The following UNC93A variants were observed in gnomAD, a reference collection of about 807,000 sequenced individuals.
UNC93A encodes the protein N-acetylglucosamine transporter UNC93A.
In UNC93A, 43 loss-of-function variants were observed where a neutral mutation model predicts 47.5. The ratio of observed to expected loss-of-function variants is 0.91; its 90% CI spans 0.71 to 1.17. The LOEUF (loss-of-function observed/expected upper bound fraction) is 1.17. UNC93A is among the 50% of genes most tolerant of loss of function. The probability of loss-of-function intolerance (pLI) is 0.00; values close to 1 mark genes in which losing one functional copy is unlikely to be tolerated. For missense variants in UNC93A, 605 were observed against 577.6 expected (o/e 1.05, Z -0.49); for synonymous variants, 280 against 258.0 (o/e 1.09, Z -0.82).
rs539705098 is a variant in UNC93A at position 167,295,731 on chromosome 6, C to A, written c.270-301C>A. On this transcript the variant is annotated intron_variant, in intron 2 of 7. Transcript: ENST00000230256. Reference sequence around the variant, plus strand: ...CCTCCCTCGTGCTCCTCGCCTTCCTCGTGCTCCTCGCCTCCCTCGTGCTCC... The same window carrying A: ...CCTCCCTCGTGCTCCTCGCCTTCCTAGTGCTCCTCGCCTCCCTCGTGCTCC... Among the ~76,000 whole-genome samples, 219 of 146,494 alleles carry A rather than the reference C, an allele frequency of 1.5e-3. 10 individuals are homozygous for A. Among genetic ancestry groups the A allele is most frequent in the African/African-American group, 5.6e-3 (213 of 38,054 alleles).
chr6:167,312,422 C>T (rs1778584388), intron 7 of UNC93A, among the ~76,000 whole-genome samples: 1 of 152,142 alleles, frequency 6.6e-6, no homozygotes, highest in Admixed American at 6.5e-5. Flanking sequence ...TGAGGAATGT[C>T]TATGTGTACT....
At chr6:167,295,691 GCCTCGTGCTCCTCGCCTC>G (rs1562350579) in intron 2 of UNC93A, among the ~76,000 whole-genome samples, 8 of 38,420 alleles carry the variant, frequency 2.1e-4, no homozygotes, top group East Asian at 2.0e-3. Context: ...CTCCTCGCCT[GCCTCGTGCTCCTCGCCTC>G]CCTCGTGCTC....
At position 167,298,221 on chromosome 6, in the gene UNC93A, G is replaced by A. The variant is rs1778145613; in HGVS notation, c.625+151G>A. The A allele has an allele frequency of 4.4e-5, 55 of 1,261,670 alleles. 1 individual carries two copies. The South Asian group carries it at 8.7e-4, about 20-fold the overall frequency. The allele number at this position is 1,261,670 out of a possible 1,614,324, so 78.2% of individuals were successfully genotyped here. ...AATGTATTGGTCTGGATTATATGCA[G>A]GCGGTGTTCTTATGAATCAAATGCA... On this transcript the variant is annotated intron_variant, in intron 4 of 7. Transcript: ENST00000230256.
At chr6:167,309,423 C>T (rs561013515) in intron 7 of UNC93A, among the ~76,000 whole-genome samples, 1 of 151,968 alleles carries the variant, frequency 6.6e-6, no homozygotes. Context: ...TCTAAGGCCC[C>T]GAGGGGTGTC....
In UNC93A at chr6:167,315,534, G is replaced by T; in HGVS notation, c.*82G>T. On this transcript the variant is annotated 3_prime_UTR_variant, in exon 8 of 8. Transcript: ENST00000230256. ...AGAAGATGCCTCAGGACATAGAGCG[G>T]CTCCTCATCACCATCTCAGCACAAT... The T allele has an allele frequency of 6.2e-7, 1 of 1,602,672 alleles. No homozygotes were observed. The highest frequency in any genetic ancestry group is 8.5e-7 in the Non-Finnish European group (1 of 1,174,728).
intron 1 of UNC93A, among the ~76,000 whole-genome samples, chr6:167,273,389 C>T (rs1159987868): frequency 1.3e-5 from 2 of 152,186 alleles, no homozygotes; most frequent in East Asian, 3.9e-4. Flanking sequence ...AGCCATGCCT[C>T]CTCATTGGCC....
At position 167,285,163 on chromosome 6, in the gene UNC93A, G is replaced by T. The variant is rs553097560; in HGVS notation, c.-51-6276G>T. On this transcript the variant is annotated intron_variant, in intron 1 of 3. Transcript: ENST00000503433. ...TGTGTGGTTACCTGCCCGAGAGAGG[G>T]TGGCTGACCATCTGGGACACCATGC... 9.9e-5 allele frequency among the ~76,000 whole-genome samples: 15 copies of T among 152,016 alleles called. 1 individual carries two copies. The highest frequency in any genetic ancestry group is 2.9e-4 in the African/African-American group (12 of 41,552).
chr6:167,298,931 T>C (rs1206801803), intron 4 of UNC93A, among the ~76,000 whole-genome samples: 1 of 151,760 alleles, frequency 6.6e-6, no homozygotes, highest in Non-Finnish European at 1.5e-5. Context: ...CTGGCCAACA[T>C]GGTGAAACCC....
At chr6:167,307,673 C>T (rs1002263903) in intron 6 of UNC93A, 106 bp from the exon 7 acceptor site, 39 of 1,421,410 alleles carry the variant, frequency 2.7e-5, no homozygotes, top group East Asian at 7.0e-5. Flanking sequence ...GAGGACAGTT[C>T]CAGAGGACGG....
chr6:167,300,495 A>G (rs1210832076), intron 4 of UNC93A, among the ~76,000 whole-genome samples: 1 of 152,092 alleles, frequency 6.6e-6, no homozygotes, highest in Admixed American at 6.5e-5. Context: ...GCTCTTAGCC[A>G]GTGAGAGGCT....
At position 167,308,419 on chromosome 6, in the gene UNC93A, G is replaced by A. The variant is rs551625590; in HGVS notation, c.1108+509G>A. 1.1e-3 allele frequency among the ~76,000 whole-genome samples: 163 copies of A among 152,242 alleles called. 1 individual carries two copies. Among genetic ancestry groups the A allele is most frequent in the African/African-American group, 3.8e-3 (156 of 41,518 alleles). On this transcript the variant is annotated intron_variant, in intron 7 of 7. Transcript: ENST00000230256. ...TCAGTGTCTGTGGACGGGGCTCTGG[G>A]GCATCCTGGGCAGTGGTGGGTTTTC...
At chr6:167,283,971 G>T (rs1783677879) in intron 1 of UNC93A, among the ~76,000 whole-genome samples, 1 of 152,128 alleles carries the variant, frequency 6.6e-6, no homozygotes, top group African/African-American at 2.4e-5. Flanking sequence ...ATCCCATCTG[G>T]GAAGGTTCAC....
chr6:167,309,250 C>A (rs1007913866), intron 7 of UNC93A, among the ~76,000 whole-genome samples: 1 of 152,190 alleles, frequency 6.6e-6, no homozygotes, highest in Non-Finnish European at 1.5e-5. Context: ...GTGTTTTCCA[C>A]AAGGAGATGC....
chr6:167,280,662 A>T (rs1304686145), intron 1 of UNC93A, among the ~76,000 whole-genome samples: 1 of 152,220 alleles, frequency 6.6e-6, no homozygotes, highest in Non-Finnish European at 1.5e-5. Context: ...GCTGGCTGGA[A>T]CCTGGCCAGA....
chr6:167,273,444 C>G (rs1783484765), intron 1 of UNC93A, among the ~76,000 whole-genome samples: 1 of 152,190 alleles, frequency 6.6e-6, no homozygotes, highest in Non-Finnish European at 1.5e-5. Flanking sequence ...GCTCTGTCAA[C>G]TGGAATAGTC....
upstream of UNC93A, among the ~76,000 whole-genome samples, chr6:167,270,525 C>T (rs1197323282): frequency 1.3e-5 from 2 of 152,052 alleles, no homozygotes; most frequent in East Asian, 3.9e-4. Flanking sequence ...GGGACATGGA[C>T]AGACCTTCGG....
chr6:167,308,016 T>C, intron 7 of UNC93A, 106 bp downstream of exon 7: 1 of 1,491,508 alleles, frequency 6.7e-7, no homozygotes, highest in Non-Finnish European at 9.0e-7. Flanking sequence ...CCAAGAGAGA[T>C]GAGTTGGGAG....
intron 7 of UNC93A, among the ~76,000 whole-genome samples, chr6:167,309,156 G>A (rs2235198): frequency 0.62 from 94,599 of 151,988 alleles, 29,761 homozygotes; most frequent in East Asian, 0.81. Context: ...AACTCCGGAG[G>A]CAGAGGTCAT....
At chr6:167,301,181 T>C (rs1334555915) in intron 4 of UNC93A, among the ~76,000 whole-genome samples, 1 of 152,224 alleles carries the variant, frequency 6.6e-6, no homozygotes, top group African/African-American at 2.4e-5. Flanking sequence ...TTGCCAGCTG[T>C]CCTCCGCAGG....
Sources: allele counts gnomAD v4.1 joint callset (sites outside exome capture counted in the v4.1 genomes callset), GRCh38; gene constraint gnomAD v4.1.1; transcripts MANE v1.5; gene names NCBI Gene and HGNC (gene_info 2026-07-23, HGNC 2026-07-21).